The following MDN1 variants were observed in gnomAD, a reference collection of about 807,000 sequenced individuals.
MDN1 encodes midasin AAA ATPase 1, also known as midasin.
A neutral mutation model predicts 669.2 loss-of-function variants in MDN1; 266 were observed. The observed-to-expected ratio is 0.40, with a 90% CI of 0.36 to 0.44. The LOEUF (loss-of-function observed/expected upper bound fraction) is 0.44. Among genes scored for constraint, MDN1 ranks in the 20% least tolerant of loss-of-function variants. MDN1 has a pLI of 1.00. For missense variants in MDN1, 5,940 were observed against 6,754.0 expected (o/e 0.88, Z 4.22); for synonymous variants, 2,385 against 2,457.1 (o/e 0.97, Z 0.87).
At chr6:89,743,015 G>C in intron 31 of MDN1, 135 bp downstream of exon 31, 2 of 1,053,972 alleles carry the variant, frequency 1.9e-6, no homozygotes, top group South Asian at 3.5e-5. Flanking sequence ...CCAGAAGTTT[G>C]AGGCTACAGT....
chr6:89,688,612 G>A lies in MDN1; in HGVS notation c.11220C>T (p.His3740=), dbSNP rs1454059401. 1 of 1,614,098 alleles carries A rather than the reference G, an allele frequency of 6.2e-7. No homozygotes were observed. The highest frequency in any genetic ancestry group is 1.3e-5 in the African/African-American group (1 of 74,936). The change falls in exon 66 of 102, where the codon CAC becomes CAT. Residue 3740 remains histidine, a synonymous_variant. Coordinates refer to ENST00000369393, the MANE Select transcript of MDN1 (RefSeq NM_014611.3). ...GGTGTTCTGGCCAGTCCTGTAGCAAGTGACTGACAGCCTCTGAGAAACCTT... is the reference window on the plus strand; with the variant it reads ...GGTGTTCTGGCCAGTCCTGTAGCAAATGACTGACAGCCTCTGAGAAACCTT... The part of the protein sequence containing the change: ...VLQGFSEAVS[H]LLQDWPEHPA...
chr6:89,762,281 C>T (rs1398722296), intron 16 of MDN1, 38 bp downstream of exon 16: 4 of 1,550,534 alleles, frequency 2.6e-6, no homozygotes, highest in Non-Finnish European at 3.5e-6. Context: ...AGCCCAGCCC[C>T]ATGCCCTCCC....
At chr6:89,688,315 G>A (rs1812158615) in intron 66 of MDN1, 142 bp from the exon 67 acceptor site, 4 of 795,510 alleles carry the variant, frequency 5.0e-6, no homozygotes, top group Non-Finnish European at 8.0e-6. Context: ...GAGCAACATG[G>A]CAGCATTTTA....
chr6:89,736,863 A>G (rs1369299132), intron 33 of MDN1, among the ~76,000 whole-genome samples: 2 of 152,216 alleles, frequency 1.3e-5, no homozygotes, highest in Non-Finnish European at 2.9e-5. Context: ...GTGCTGCTGC[A>G]AACAGCACAC....
Position 89,722,943 on chromosome 6 carries a change from C to A in MDN1, c.5967+12G>T, listed in dbSNP as rs756363. The A allele has an allele frequency of 2.5e-6, 4 of 1,604,510 alleles. No individual in the cohort carries two copies. The East Asian group carries it at 8.9e-5, about 36-fold the overall frequency. On this transcript the variant is annotated intron_variant, in intron 40 of 101. Transcript: ENST00000369393. Reference sequence around the variant, plus strand: ...GATGGAAAGAAATACAAATACCAAGCGTGAAACTCACCTTTTTTTTGTCCT... The same window carrying A: ...GATGGAAAGAAATACAAATACCAAGAGTGAAACTCACCTTTTTTTTGTCCT...
chr6:89,800,469 A>T (rs1401592546), intron 2 of MDN1, among the ~76,000 whole-genome samples: 1 of 152,134 alleles, frequency 6.6e-6, no homozygotes, highest in African/African-American at 2.4e-5. Flanking sequence ...TGGGGTTCTG[A>T]GAGCTTTCAG....
rs1584188550 is a variant in MDN1 at position 89,686,820 on chromosome 6, G to A, written c.11572+82C>T. 1.2e-5 allele frequency: 18 copies of A among 1,540,644 alleles called. No individual in the cohort carries two copies. The East Asian group carries it at 3.2e-4, about 27-fold the overall frequency. ...GAAAGCCATGTAGCGGGAGAAGCGG[G>A]AGCAGGAAAATCCTACACTTTGCAG... On this transcript the variant is annotated intron_variant, in intron 69 of 101. Coordinates refer to ENST00000369393, the MANE Select transcript of MDN1 (RefSeq NM_014611.3).
At chr6:89,797,109 C>T (rs9451274) in intron 2 of MDN1, among the ~76,000 whole-genome samples, 58,383 of 151,482 alleles carry the variant, frequency 0.39, 12,140 homozygotes, top group East Asian at 0.68. Flanking sequence ...AGGTGGCTCA[C>T]GCCTGTAATC....
chr6:89,696,072 A>G, intron 60 of MDN1, 80 bp from the exon 61 acceptor site: 5 of 1,489,112 alleles, frequency 3.4e-6, no homozygotes, highest in Non-Finnish European at 4.5e-6. Context: ...AATTCTCTCA[A>G]GAAATGATAA....
chr6:89,745,196 T>A (rs1203777420), intron 29 of MDN1, 77 bp downstream of exon 29: 24 of 1,374,966 alleles, frequency 1.7e-5, no homozygotes, highest in Non-Finnish European at 2.2e-5. Context: ...AATACTTTCA[T>A]GAGTTCTTCA....
At chr6:89,778,729 A>T (rs1818476016) in intron 11 of MDN1, among the ~76,000 whole-genome samples, 1 of 149,160 alleles carries the variant, frequency 6.7e-6, no homozygotes, top group African/African-American at 2.4e-5. Flanking sequence ...CTAAAAATGC[A>T]AAAAAAATTA....
In MDN1 at chr6:89,803,546, T is replaced by A; in HGVS notation, c.111A>T (p.Thr37=). The change falls in exon 2 of 102, where the codon ACA becomes ACT. Residue 37 remains threonine (T), a synonymous_variant. Coordinates refer to ENST00000369393, the MANE Select transcript of MDN1 (RefSeq NM_014611.3). ...TCAGGACACACTGGCGATCTTGAGGTGTCCACACCTGAGAAAGGCAAAACA... is the reference window on the plus strand; with the variant it reads ...TCAGGACACACTGGCGATCTTGAGGAGTCCACACCTGAGAAAGGCAAAACA... ...LGRFLAKQVW[T]PQDRQCVLST... 6.2e-7 allele frequency: 1 copy of A among 1,608,522 alleles called. No individual in the cohort carries two copies. Among genetic ancestry groups the A allele is most frequent in the African/African-American group, 1.3e-5 (1 of 74,806 alleles).
chr6:89,717,455 C>T (rs537372488), intron 43 of MDN1, among the ~76,000 whole-genome samples: 2 of 152,246 alleles, frequency 1.3e-5, no homozygotes. Flanking sequence ...ATATTCACAT[C>T]CTCATCTATT....
In MDN1 at chr6:89,658,189, G is replaced by A. The variant is rs754051846; in HGVS notation, c.15183+20C>T. On this transcript the variant is annotated intron_variant, in intron 90 of 101. Transcript: ENST00000369393. ...CCCTACTAAGAGGCAGCTGGCGGCT[G>A]CAGTGAAACCACTGATCACCTCTTT... 1 of 1,613,356 alleles carries A rather than the reference G, an allele frequency of 6.2e-7. No homozygotes were observed. Among genetic ancestry groups the A allele is most frequent in the South Asian group, 1.1e-5 (1 of 91,084 alleles).
chr6:89,701,482 T>A, intron 55 of MDN1, 76 bp downstream of exon 55: 1 of 1,543,118 alleles, frequency 6.5e-7, no homozygotes, highest in Non-Finnish European at 8.8e-7. Context: ...TTATACAATG[T>A]CAGTTCCCAA....
At chr6:89,647,865 A>C (rs1463299345) in intron 99 of MDN1, among the ~76,000 whole-genome samples, 167 bp downstream of exon 99, 1 of 152,172 alleles carries the variant, frequency 6.6e-6, no homozygotes, top group Non-Finnish European at 1.5e-5. Flanking sequence ...AGGCAGGAGG[A>C]CTGCTTGAGC....
At chr6:89,784,960 C>T (rs1818873226) in intron 9 of MDN1, 52 bp downstream of exon 9, 18 of 1,194,436 alleles carry the variant, frequency 1.5e-5, no homozygotes, top group East Asian at 4.7e-5. Flanking sequence ...TCCTATTTCA[C>T]GCGGGAGCCA....
chr6:89,816,824 G>A (rs1341291039), intron 1 of MDN1, among the ~76,000 whole-genome samples: 6 of 151,842 alleles, frequency 4.0e-5, no homozygotes, highest in Non-Finnish European at 7.4e-5. Context: ...ACAGGTGCCC[G>A]CCACCATGCC....
intron 31 of MDN1, among the ~76,000 whole-genome samples, chr6:89,742,762 G>A (rs1816360719): frequency 6.6e-6 from 1 of 152,110 alleles, no homozygotes; most frequent in Non-Finnish European, 1.5e-5. Context: ...AGAGAGTAGG[G>A]ATATAATTCA....
Sources: gnomAD v4.1 joint callset for allele counts (sites outside exome capture counted in the v4.1 genomes callset) on GRCh38, gnomAD v4.1.1 for gene constraint, MANE v1.5 for transcripts, NCBI Gene and HGNC (gene_info 2026-07-23, HGNC 2026-07-21) for gene names.